The following CARMIL1 variants were observed in gnomAD, a reference collection of about 807,000 sequenced individuals.
The protein encoded by CARMIL1 is capping protein regulator and myosin 1 linker 1.
CARMIL1 carries 90 observed loss-of-function variants against 177.1 expected under a neutral mutation model. The ratio of observed to expected loss-of-function variants is 0.51; its 90% CI spans 0.43 to 0.61. The LOEUF is 0.61. CARMIL1 is among the 20% of genes least tolerant of loss of function. CARMIL1 has a pLI of 0.00. For synonymous variants in CARMIL1, 577 were observed against 606.2 expected (o/e 0.95, Z 0.71); for missense variants, 1,380 against 1,667.0 (o/e 0.83, Z 3.00).
chr6:25,549,318 C>T (rs76463668), intron 26 of CARMIL1, among the ~76,000 whole-genome samples: 2,431 of 152,190 alleles, frequency 0.016, 37 homozygotes, highest in Non-Finnish European at 0.026. Flanking sequence ...AAGAACATGA[C>T]AGAATTAAAA....
intron 31 of CARMIL1, among the ~76,000 whole-genome samples, chr6:25,586,604 G>A (rs369761492): frequency 5.3e-5 from 8 of 151,932 alleles, no homozygotes; most frequent in African/African-American, 1.9e-4. Flanking sequence ...CAAGGCAGGC[G>A]GCTGGGAGGT....
chr6:25,487,120 C>T (rs1802739292), intron 12 of CARMIL1, among the ~76,000 whole-genome samples: 1 of 152,146 alleles, frequency 6.6e-6, no homozygotes, highest in Non-Finnish European at 1.5e-5. Flanking sequence ...GCTCAGTAGC[C>T]TTTATCAGAC....
intron 2 of CARMIL1, among the ~76,000 whole-genome samples, chr6:25,406,655 A>G (rs9461164): frequency 0.43 from 65,294 of 151,894 alleles, 14,237 homozygotes; most frequent in Middle Eastern, 0.57. Flanking sequence ...GAGAATGACT[A>G]AGATAGGAAG....
At chr6:25,568,335 T>A (rs1054704819) in intron 29 of CARMIL1, among the ~76,000 whole-genome samples, 2 of 152,180 alleles carry the variant, frequency 1.3e-5, no homozygotes, top group Admixed American at 6.5e-5. Context: ...TGAACAGAGT[T>A]AAGAGGAAAG....
intron 5 of CARMIL1, among the ~76,000 whole-genome samples, chr6:25,443,671 A>G (rs1797960713): frequency 6.6e-6 from 1 of 152,214 alleles, no homozygotes; most frequent in Non-Finnish European, 1.5e-5. Flanking sequence ...TTTGTTGCTA[A>G]AAAATGCTAA....
chr6:25,571,503 C>A (rs1467000418), intron 29 of CARMIL1, among the ~76,000 whole-genome samples: 1 of 152,124 alleles, frequency 6.6e-6, no homozygotes, highest in Non-Finnish European at 1.5e-5. Flanking sequence ...GCAAGGATTA[C>A]CAATAGTTGC....
chr6:25,496,669 C>G (rs1216538313), intron 16 of CARMIL1, among the ~76,000 whole-genome samples: 1 of 152,098 alleles, frequency 6.6e-6, no homozygotes, highest in African/African-American at 2.4e-5. Context: ...TTCTAAAGTT[C>G]CATTATAATC....
At chr6:25,446,655 A>C (rs955514436) in intron 5 of CARMIL1, among the ~76,000 whole-genome samples, 1 of 152,198 alleles carries the variant, frequency 6.6e-6, no homozygotes, top group Admixed American at 6.5e-5. Context: ...AACTTCCTTC[A>C]ATAACTTTTC....
chr6:25,493,372 T>C (rs1803407450), intron 15 of CARMIL1, among the ~76,000 whole-genome samples: 1 of 152,254 alleles, frequency 6.6e-6, no homozygotes, highest in Non-Finnish European at 1.5e-5. Flanking sequence ...GTGTGGATTG[T>C]CAGCCAGACT....
intron 36 of CARMIL1, among the ~76,000 whole-genome samples, chr6:25,616,998 T>G: frequency 6.6e-6 from 1 of 152,198 alleles, no homozygotes. Context: ...CACATGCACA[T>G]TCACAATTGG....
At chr6:25,427,000 G>A (rs1241718998) in intron 4 of CARMIL1, among the ~76,000 whole-genome samples, 3 of 152,128 alleles carry the variant, frequency 2.0e-5, no homozygotes, top group Admixed American at 6.5e-5. Flanking sequence ...AATTTGATAA[G>A]TGTTGACATA....
At chr6:25,441,337 A>ATATATATATATATATATATGTGTG in intron 5 of CARMIL1, among the ~76,000 whole-genome samples, 25 of 94,522 alleles carry the variant, frequency 2.6e-4, no homozygotes, top group South Asian at 2.1e-3. Context: ...ATATATATAT[A>ATATATATATATATATATATGTGTG]TGTGTGTGTG....
At chr6:25,409,872 A>C in intron 2 of CARMIL1, among the ~76,000 whole-genome samples, 1 of 151,962 alleles carries the variant, frequency 6.6e-6, no homozygotes, top group East Asian at 1.9e-4. Flanking sequence ...ATGCTCATTA[A>C]ACTCTGATGA....
intron 2 of CARMIL1, among the ~76,000 whole-genome samples, chr6:25,342,926 C>A (rs1232280136): frequency 1.3e-5 from 2 of 152,202 alleles, no homozygotes; most frequent in Non-Finnish European, 1.5e-5. Context: ...CTCTAATAAT[C>A]CTGTCAGGAA....
At chr6:25,471,817 A>G (rs1043023598) in intron 10 of CARMIL1, among the ~76,000 whole-genome samples, 3 of 152,116 alleles carry the variant, frequency 2.0e-5, no homozygotes, top group African/African-American at 7.2e-5. Flanking sequence ...GTCTTTATCT[A>G]GTGGTTTAGT....
At chr6:25,571,571 G>T (rs1812068801) in intron 29 of CARMIL1, among the ~76,000 whole-genome samples, 1 of 152,040 alleles carries the variant, frequency 6.6e-6, no homozygotes, top group African/African-American at 2.4e-5. Context: ...AATTACCAAG[G>T]GAATTAATAC....
chr6:25,304,173 G>GA (rs1783081676), intron 2 of CARMIL1, among the ~76,000 whole-genome samples: 1 of 152,214 alleles, frequency 6.6e-6, no homozygotes, highest in African/African-American at 2.4e-5. Flanking sequence ...CTATGGTTCT[G>GA]AACTGGGACA....
chr6:25,554,149 T>G lies in CARMIL1; in HGVS notation c.2592+53T>G, dbSNP rs184669174. On this transcript the variant is annotated intron_variant, in intron 28 of 36. Transcript: ENST00000329474. This position sits in a 1 kb window ranked among gnomAD's most constrained non-coding sequence, Gnocchi z 4.6. The stretch of plus-strand genomic sequence containing the variant: ...ACCTCCTGTTTCAGCTCTGCTGTGA[T>G]GCAGGATGACTTCCGGTGTGGGGAT... The G allele has an allele frequency of 2.1e-5, 26 of 1,244,964 alleles. No homozygotes were observed. The African/African-American group carries it at 3.4e-4, about 16-fold the overall frequency. 77.1% of individuals were successfully genotyped at this position (1,244,964 alleles called of 1,614,324 possible). A position where few individuals can be genotyped will look rare whatever the true frequency, so the allele number is the denominator to read the frequency against.
Position 25,619,694 on chromosome 6 carries a change from CTTCT to C in CARMIL1, c.*114_*117del. On this transcript the variant is annotated 3_prime_UTR_variant, in exon 37 of 37. Coordinates refer to ENST00000329474, the MANE Select transcript of CARMIL1 (RefSeq NM_017640.6). ...CGTTCTTCTCTGGGTGCTTTATTCT[CTTCT>C]TTTTCTTTATTTCGCCCCCACCCCC... The C allele has an allele frequency of 5.6e-6, 4 of 715,502 alleles. No homozygotes were observed. Among genetic ancestry groups the C allele is most frequent in the Non-Finnish European group, 7.7e-6 (4 of 519,708 alleles). 44.3% of individuals were successfully genotyped at this position (715,502 alleles called of 1,614,324 possible).
Sources: allele counts gnomAD v4.1 joint callset (sites outside exome capture counted in the v4.1 genomes callset), GRCh38; gene constraint gnomAD v4.1.1; non-coding constraint Gnocchi (gnomAD v3.1); transcripts MANE v1.5; gene names NCBI Gene and HGNC (gene_info 2026-07-23, HGNC 2026-07-21).